The following EPS8 variants were observed in gnomAD, a reference collection of about 807,000 sequenced individuals.
EPS8 encodes epidermal growth factor receptor kinase substrate 8.
In EPS8, 42 loss-of-function variants were observed where a neutral mutation model predicts 103.8. That is an observed-to-expected ratio of 0.40 (90% confidence interval 0.32 to 0.52). EPS8 has a LOEUF of 0.52. EPS8 is among the 20% of genes least tolerant of loss of function. The probability of loss-of-function intolerance (pLI) is 0.40; values close to 1 mark genes in which losing one functional copy is unlikely to be tolerated. For synonymous variants in EPS8, 344 were observed against 344.6 expected (o/e 1.00, Z 0.02); for missense variants, 969 against 1,005.1 (o/e 0.96, Z 0.49).
Position 15,665,884 on chromosome 12 carries a change from G to A in EPS8, c.608C>T (p.Ser203Phe). Reference protein sequence around the residue: ...KRRPDALRMISNADPSIPPPP... With the variant: ...KRRPDALRMIFNADPSIPPPP... ...AGGCGGTATACTAGGGTCTGCATTG[G>A]AAATCATCCTTAAAAAGATGAAAAC... The change falls in exon 8 of 21, where the codon TCC becomes TTC. Residue 203 changes from serine (S) to phenylalanine (F), a missense_variant. By Grantham distance (155) the Ser-to-Phe change is radical. Transcript: ENST00000281172. The A allele has an allele frequency of 6.2e-7, 1 of 1,613,510 alleles. No homozygotes were observed. The highest frequency in any genetic ancestry group is 1.1e-5 in the South Asian group (1 of 90,986).
rs1947205123 is a variant in EPS8, at chr12:15,776,201, C to T, written c.-22+12960G>A. On this transcript the variant is annotated intron_variant, in intron 1 of 20. Transcript: ENST00000281172. This position sits in a 1 kb window ranked among gnomAD's most constrained non-coding sequence, Gnocchi z 4.2. ...TGGTTGATATCAGTAACAGAAATAGCAAGAATAATTAGAAAGGGAGGAAGA... is the reference window on the plus strand; with the variant it reads ...TGGTTGATATCAGTAACAGAAATAGTAAGAATAATTAGAAAGGGAGGAAGA... Among the ~76,000 whole-genome samples, 1 of 151,982 alleles carries T rather than the reference C, an allele frequency of 6.6e-6. No individual in the cohort carries two copies. The highest frequency in any genetic ancestry group is 2.1e-4 in the South Asian group (1 of 4,802).
chr12:15,642,934 G>A (rs1945257423), intron 15 of EPS8, among the ~76,000 whole-genome samples: 1 of 152,146 alleles, frequency 6.6e-6, no homozygotes, highest in Non-Finnish European at 1.5e-5. Flanking sequence ...TTACAGATAA[G>A]CATGTAAGAA....
intron 12 of EPS8, among the ~76,000 whole-genome samples, chr12:15,657,425 AT>A (rs1448714909): frequency 6.6e-6 from 1 of 151,924 alleles, no homozygotes; most frequent in Non-Finnish European, 1.5e-5. Context: ...TCACTCCTCT[AT>A]TTTTCTGCAT....
chr12:15,678,375 C>T (rs1165856416), intron 3 of EPS8, among the ~76,000 whole-genome samples: 1 of 152,174 alleles, frequency 6.6e-6, no homozygotes, highest in Non-Finnish European at 1.5e-5. Flanking sequence ...AAAGAAACCA[C>T]ATCTGCAATT....
chr12:15,654,197 C>A lies in EPS8; in HGVS notation c.1198G>T (p.Gly400Cys), dbSNP rs762879322. ...GACATCCACAGCTGCCGTTCATCAC[C>A]ATTGACAGTATAATTTAAGAAATCA... is the stretch of plus-strand genomic sequence containing the variant. ...TIDFLNYTVN[G>C]DERQLWMSLG... The change falls in exon 13 of 21, where the codon GGT (glycine) becomes TGT (cysteine). Residue 400 changes from glycine to cysteine, a missense_variant. Coordinates refer to ENST00000281172, the MANE Select transcript of EPS8 (RefSeq NM_004447.6). 2.5e-6 allele frequency: 4 copies of A among 1,613,674 alleles called. No homozygotes were observed. The East Asian group carries it at 8.9e-5, about 36-fold the overall frequency.
intron 17 of EPS8, among the ~76,000 whole-genome samples, chr12:15,635,163 G>A (rs1945113204): frequency 1.3e-5 from 2 of 152,262 alleles, no homozygotes; most frequent in Admixed American, 1.3e-4. Context: ...GCATTATCGT[G>A]TGATTGTAAT....
In EPS8 at chr12:15,704,542, G is replaced by C. The variant is rs918676139; in HGVS notation, c.-21-21570C>G. Among the ~76,000 whole-genome samples, 2 of 152,160 alleles carry C rather than the reference G, an allele frequency of 1.3e-5. No homozygotes were observed. The highest frequency in any genetic ancestry group is 4.1e-4 in the South Asian group (2 of 4,834). ...TGGAATAGTCAAATTCAAAGACACA[G>C]AAAGCATAATGGTGGCTGCCAGGGG... On this transcript the variant is annotated intron_variant, in intron 1 of 20. Transcript: ENST00000281172. The surrounding 1 kb of genome is among the most constrained non-coding windows in gnomAD (Gnocchi z 4.6).
chr12:15,788,990 C>G (rs938012218), intron 1 of EPS8, among the ~76,000 whole-genome samples, 171 bp downstream of exon 1: 1 of 152,282 alleles, frequency 6.6e-6, no homozygotes, highest in African/African-American at 2.4e-5. Flanking sequence ...CCGGCCGCAG[C>G]GCCCTACCGC....
chr12:15,653,166 T>C (rs10734888), intron 13 of EPS8, among the ~76,000 whole-genome samples: 151,138 of 152,282 alleles, frequency 0.99, 75,014 homozygotes, highest in East Asian at 1. Context: ...CTGAAGAAAA[T>C]TGATTTATAA....
chr12:15,691,441 CAG>C (rs1946170491), intron 1 of EPS8, among the ~76,000 whole-genome samples: 1 of 151,780 alleles, frequency 6.6e-6, no homozygotes, highest in Non-Finnish European at 1.5e-5. Context: ...TATAATGGGG[CAG>C]AGAGACATCA....
chr12:15,711,505 T>C (rs975641532), intron 1 of EPS8, among the ~76,000 whole-genome samples: 1 of 152,188 alleles, frequency 6.6e-6, no homozygotes, highest in African/African-American at 2.4e-5. Context: ...CAAGGGTATC[T>C]TACTAAAGGT....
At position 15,780,941 on chromosome 12, in the gene EPS8, T is replaced by C. The variant is rs1461149122; in HGVS notation, c.-22+8220A>G. 1.3e-5 allele frequency among the ~76,000 whole-genome samples: 2 copies of C among 152,248 alleles called. No homozygotes were observed. Among genetic ancestry groups the C allele is most frequent in the African/African-American group, 2.4e-5 (1 of 41,474 alleles). ...CTAATTTCATTCAGCAAGCCTTTTG[T>C]GAGTGTGTCATATGGCTGACACATA... On this transcript the variant is annotated intron_variant, in intron 1 of 20. Coordinates refer to ENST00000281172, the MANE Select transcript of EPS8 (RefSeq NM_004447.6). This position sits in a 1 kb window ranked among gnomAD's most constrained non-coding sequence, Gnocchi z 4.1.
Position 15,621,330 on chromosome 12 carries a change from C to T in EPS8, c.2456G>A (p.Gly819Glu). ...CAAACAAACAAATTAGTGACTGCTT[C>T]CTTCATCAAAAGATTCCACTCCTGA... Reference protein sequence around the residue: ...SDSGVESFDEGSSH With the variant: ...SDSGVESFDEESSH Residue 819 changes from glycine (G) to glutamate (E), a missense_variant, in exon 21 of 21, where the codon GGA becomes GAA. Coordinates refer to ENST00000281172, the MANE Select transcript of EPS8 (RefSeq NM_004447.6). 1 of 1,570,750 alleles carries T rather than the reference C, an allele frequency of 6.4e-7. No individual in the cohort carries two copies. The highest frequency in any genetic ancestry group is 1.9e-5 in the Admixed American group (1 of 53,748).
At position 15,784,494 on chromosome 12, in the gene EPS8, G is replaced by A. The variant is rs1947290401; in HGVS notation, c.-22+4667C>T. 2.0e-5 allele frequency among the ~76,000 whole-genome samples: 3 copies of A among 152,148 alleles called. No individual in the cohort carries two copies. On this transcript the variant is annotated intron_variant, in intron 1 of 20. Coordinates refer to ENST00000281172, the MANE Select transcript of EPS8 (RefSeq NM_004447.6). The surrounding 1 kb of genome is among the most constrained non-coding windows in gnomAD (Gnocchi z 4.0). ...TCCAAAAAAGCTGACAAAATCAAAT[G>A]CTAGCAAAGATGTGGGGCAATAAGA...
rs1027341853 is a variant in EPS8, at chr12:15,771,997, G to A, written c.-22+17164C>T. ...AAATTAGCAGGGCATAGTGGCGGGC[G>A]CCCGTAGTCTTCATTTGTACCACCC... On this transcript the variant is annotated intron_variant, in intron 1 of 20. Transcript: ENST00000281172. This position sits in a 1 kb window ranked among gnomAD's most constrained non-coding sequence, Gnocchi z 4.6. Among the ~76,000 whole-genome samples, 4 of 151,838 alleles carry A rather than the reference G, an allele frequency of 2.6e-5. No individual in the cohort carries two copies. The highest frequency in any genetic ancestry group is 2.1e-4 in the South Asian group (1 of 4,808).
In EPS8 at chr12:15,761,674, T is replaced by G. The variant is rs1038645215; in HGVS notation, c.-22+27487A>C. 2.6e-5 allele frequency among the ~76,000 whole-genome samples: 4 copies of G among 151,986 alleles called. No homozygotes were observed. The highest frequency in any genetic ancestry group is 3.4e-3 in the Middle Eastern group (1 of 294). ...ATTTTCAACAAAGGTGCCAAGAACA[T>G]ACACTGGGGAAAAGACAGACTCTTC... On this transcript the variant is annotated intron_variant, in intron 1 of 20. Transcript: ENST00000281172. This position sits in a 1 kb window ranked among gnomAD's most constrained non-coding sequence, Gnocchi z 4.5.
In EPS8 at chr12:15,749,043, T is replaced by A. The variant is rs1946903943; in HGVS notation, c.-22+40118A>T. ...AGAGAACTTAAGGCCCTTTTAACTA[T>A]TTTTGTCAAGATCCATCCTAGTGTT... On this transcript the variant is annotated intron_variant, in intron 1 of 20. Transcript: ENST00000281172. The surrounding 1 kb of genome is among the most constrained non-coding windows in gnomAD (Gnocchi z 4.0). Among the ~76,000 whole-genome samples, 1 of 152,174 alleles carries A rather than the reference T, an allele frequency of 6.6e-6. No homozygotes were observed. The highest frequency in any genetic ancestry group is 1.5e-5 in the Non-Finnish European group (1 of 68,038).
intron 1 of EPS8, among the ~76,000 whole-genome samples, chr12:15,763,766 C>T (rs920294683): frequency 6.6e-6 from 1 of 152,146 alleles, no homozygotes; most frequent in Non-Finnish European, 1.5e-5. Context: ...CAGTGTTGTA[C>T]TCTAGACATC....
chr12:15,630,347 C>T (rs1295851354), intron 18 of EPS8, among the ~76,000 whole-genome samples: 1 of 152,062 alleles, frequency 6.6e-6, no homozygotes, highest in Admixed American at 6.6e-5. Context: ...CTTTATAATA[C>T]GTTTAAAACA....
Sources: gnomAD v4.1 joint callset for allele counts (sites outside exome capture counted in the v4.1 genomes callset) on GRCh38, gnomAD v4.1.1 for gene constraint, Gnocchi (gnomAD v3.1) non-coding constraint, MANE v1.5 for transcripts, NCBI Gene and HGNC (gene_info 2026-07-23, HGNC 2026-07-21) for gene names.